Variants in BUB1B observed in about 807,000 individuals in gnomAD.
The protein encoded by BUB1B is BUB1 mitotic checkpoint serine/threonine kinase B.
BUB1B carries 86 observed loss-of-function variants against 137.7 expected under a neutral mutation model. The observed-to-expected ratio is 0.62, with a 90% CI of 0.52 to 0.75. The LOEUF (loss-of-function observed/expected upper bound fraction) is 0.75. BUB1B is among the 30% of genes least tolerant of loss of function. The pLI is 0.00. For missense variants in BUB1B, 1,130 were observed against 1,236.9 expected, an observed-to-expected ratio of 0.91 and a Z score of 1.30; for synonymous variants, 420 against 417.9, an observed-to-expected ratio of 1.00 and a Z score of -0.06.
At position 40,220,597 on chromosome 15, in the gene BUB1B, T is replaced by C; in HGVS notation, c.2991T>C (p.Phe997=). The C allele has an allele frequency of 6.2e-7, 1 of 1,614,236 alleles. No individual in the cohort carries two copies. The highest frequency in any genetic ancestry group is 8.5e-7 in the Non-Finnish European group (1 of 1,180,034). The part of the protein sequence containing the change: ...LKDGELWNKF[F]VRILNANDEA... Reference sequence around the variant, plus strand: ...ATGGTGAATTGTGGAATAAATTCTTTGTGCGGATTCTGAATGCCAATGATG... The same window carrying C: ...ATGGTGAATTGTGGAATAAATTCTTCGTGCGGATTCTGAATGCCAATGATG... The change falls in exon 23 of 23, where the codon TTT becomes TTC. Residue 997 remains phenylalanine, a synonymous_variant. Transcript: ENST00000287598.
intron 3 of BUB1B, 94 bp downstream of exon 3, chr15:40,170,215 A>G: frequency 8.4e-7 from 1 of 1,185,302 alleles, no homozygotes; most frequent in South Asian, 1.2e-5. Flanking sequence ...AGTGTGTGTC[A>G]GAGTAGACAG....
rs960840123 is a variant in BUB1B, at chr15:40,165,137, G to T, written c.120G>T (p.Thr40=). 2 of 1,614,038 alleles carry T rather than the reference G, an allele frequency of 1.2e-6. No individual in the cohort carries two copies. The highest frequency in any genetic ancestry group is 3.3e-5 in the Admixed American group (2 of 59,994). Reference sequence around the variant, plus strand: ...TAAGGCAAGGGCGGATCATGTCCACGCTTCAGGGAGCACTGGCACAAGAAT... The same window carrying T: ...TAAGGCAAGGGCGGATCATGTCCACTCTTCAGGGAGCACTGGCACAAGAAT... ...QPLRQGRIMS[T]LQGALAQESA... The change falls in exon 2 of 23, where the codon ACG becomes ACT. Residue 40 remains threonine (T), a synonymous_variant. Coordinates refer to ENST00000287598, the MANE Select transcript of BUB1B (RefSeq NM_001211.6).
intron 2 of BUB1B, 43 bp from the exon 3 acceptor site, chr15:40,170,019 T>C: frequency 2.1e-6 from 3 of 1,462,642 alleles, no homozygotes; most frequent in Non-Finnish European, 2.9e-6. Context: ...TCATTGGCTG[T>C]TGTCACTATT....
intron 21 of BUB1B, 93 bp downstream of exon 21, chr15:40,217,760 C>G: frequency 1.4e-6 from 2 of 1,428,438 alleles, no homozygotes; most frequent in Non-Finnish European, 2.0e-6. Flanking sequence ...TTACTGATAC[C>G]GACTCCTAGA....
intron 9 of BUB1B, among the ~76,000 whole-genome samples, chr15:40,199,394 T>A (rs1433794210): frequency 6.6e-6 from 1 of 152,250 alleles, no homozygotes; most frequent in Non-Finnish European, 1.5e-5. Flanking sequence ...TCAATGTTTT[T>A]TTCCTTTTAG....
At position 40,167,508 on chromosome 15, in the gene BUB1B, A is replaced by G. The variant is rs71403569; in HGVS notation, c.179+2312A>G. 2.4e-3 allele frequency among the ~76,000 whole-genome samples: 360 copies of G among 151,854 alleles called. 5 individuals carry two copies. The highest frequency in any genetic ancestry group is 0.021 in the South Asian group (102 of 4,810). On this transcript the variant is annotated intron_variant, in intron 2 of 22. Transcript: ENST00000287598. ...CAGGCACGCACCACCACGCCTGGCT[A>G]ATTTTTTGTATTTTTAGTAGAGATG...
chr15:40,167,342 CTTTTTTTTTTTT>C (rs767161007), intron 2 of BUB1B, among the ~76,000 whole-genome samples: 1 of 77,098 alleles, frequency 1.3e-5, no homozygotes, highest in Non-Finnish European at 2.3e-5. Flanking sequence ...TTCATTTTAG[CTTTTTTTTTTTT>C]TTTTTTTTTT....
intron 2 of BUB1B, chr15:40,166,518 T>G: frequency 6.8e-6 from 2 of 292,176 alleles, no homozygotes; most frequent in South Asian, 5.5e-5. Context: ...TTTTTCTATT[T>G]TTTAGTAGAG....
At chr15:40,181,529 TTCTC>T (rs944929962) in intron 5 of BUB1B, among the ~76,000 whole-genome samples, 3 of 152,200 alleles carry the variant, frequency 2.0e-5, no homozygotes, top group Non-Finnish European at 4.4e-5. Flanking sequence ...TCTTTCTTCT[TTCTC>T]TCTCTGAGAC....
At chr15:40,220,328 A>G (rs944986199) in intron 22 of BUB1B, among the ~76,000 whole-genome samples, 21 of 152,164 alleles carry the variant, frequency 1.4e-4, no homozygotes, top group African/African-American at 5.1e-4. Context: ...ATAGATTTAG[A>G]TGAGAGATCT....
In BUB1B at chr15:40,212,658, A is replaced by C. The variant is rs1197837468; in HGVS notation, c.2535+10A>C. On this transcript the variant is annotated intron_variant, in intron 19 of 22. Transcript: ENST00000287598. ...CTGCTTCACCCTTCAGGTCTGTAAT[A>C]CTAAAAACATAATTTAAAGTCCTGA... 2 of 1,611,008 alleles carry C rather than the reference A, an allele frequency of 1.2e-6. No individual in the cohort carries two copies. Among genetic ancestry groups the C allele is most frequent in the Non-Finnish European group, 8.5e-7 (1 of 1,178,390 alleles).
Position 40,183,721 on chromosome 15 carries a change from C to CAAGCTCG in BUB1B, c.591_597dup (p.Val200SerfsTer12). Reference sequence around the variant, plus strand: ...TGCATTCTGCTACTTTAGACAATTCCAAGCTCGAGTGTCTCGGCAAACTCT... The same window carrying CAAGCTCG: ...TGCATTCTGCTACTTTAGACAATTCCAAGCTCGAAGCTCGAGTGTCTCGGCAAACTCT... On this transcript the variant is annotated frameshift_variant, in exon 6 of 23. Transcript: ENST00000287598. LOFTEE classifies it high-confidence loss of function. 6.2e-7 allele frequency: 1 copy of CAAGCTCG among 1,614,020 alleles called. No individual in the cohort carries two copies. The highest frequency in any genetic ancestry group is 8.5e-7 in the Non-Finnish European group (1 of 1,179,960).
rs1274215355 is a variant in BUB1B at position 40,220,793 on chromosome 15, A to G, written c.*34A>G. The G allele has an allele frequency of 2.5e-6, 4 of 1,590,792 alleles. No individual in the cohort carries two copies. Among genetic ancestry groups the G allele is most frequent in the Non-Finnish European group, 2.6e-6 (3 of 1,158,870 alleles). On this transcript the variant is annotated 3_prime_UTR_variant, in exon 23 of 23. Coordinates refer to ENST00000287598, the MANE Select transcript of BUB1B (RefSeq NM_001211.6). ...ATCAAGTCTCACAGATTGCTGCCTC[A>G]GAGCAATGGTTGTATTGTGGAACAC...
intron 5 of BUB1B, among the ~76,000 whole-genome samples, chr15:40,179,164 T>C (rs570350449): frequency 4.6e-5 from 7 of 152,190 alleles, no homozygotes; most frequent in African/African-American, 1.2e-4. Flanking sequence ...TTTTTTTTTT[T>C]CCAGGGAGGG....
intron 1 of BUB1B, among the ~76,000 whole-genome samples, chr15:40,163,391 T>G (rs1045304699): frequency 6.6e-6 from 1 of 152,196 alleles, no homozygotes. Flanking sequence ...CTGGGCAACA[T>G]AGTAAGGCCT....
rs2037186628 is a variant in BUB1B, at chr15:40,173,295, T to TTA, written c.384+2614_384+2615insTA. ...CGAGACTCAGTCTCAGAAAAAAAGA[T>TTA]AAAAAAAAAAAAAAAAAAAAAAGAT... On this transcript the variant is annotated intron_variant, in intron 4 of 22. Coordinates refer to ENST00000287598, the MANE Select transcript of BUB1B (RefSeq NM_001211.6). 1.9e-4 allele frequency among the ~76,000 whole-genome samples: 16 copies of TTA among 85,890 alleles called. No homozygotes were observed. The South Asian group carries it at 6.8e-3, about 36-fold the overall frequency. 56.3% of individuals were successfully genotyped at this position (85,890 alleles called of 152,430 possible).
intron 14 of BUB1B, among the ~76,000 whole-genome samples, chr15:40,203,481 T>C (rs2037600226): frequency 6.6e-6 from 1 of 152,220 alleles, no homozygotes; most frequent in Admixed American, 6.5e-5. Flanking sequence ...TTGTACAACC[T>C]TGTGAATTTA....
Position 40,220,880 on chromosome 15 carries a change from T to C in BUB1B, c.*121T>C. On this transcript the variant is annotated 3_prime_UTR_variant, in exon 23 of 23. Coordinates refer to ENST00000287598, the MANE Select transcript of BUB1B (RefSeq NM_001211.6). ...TTTAGATGCACTACCATTGCTGTTC[T>C]ACTTTTTGGTACAGGTATATTTTGA... 2.9e-6 allele frequency: 3 copies of C among 1,032,942 alleles called. No homozygotes were observed. The highest frequency in any genetic ancestry group is 4.5e-6 in the Non-Finnish European group (3 of 672,110). 64.0% of individuals were successfully genotyped at this position (1,032,942 alleles called of 1,614,324 possible).
At chr15:40,211,595 G>A (rs565133675) in intron 18 of BUB1B, among the ~76,000 whole-genome samples, 20 of 152,202 alleles carry the variant, frequency 1.3e-4, no homozygotes, top group African/African-American at 4.6e-4. Context: ...AGAGCAGGGA[G>A]GTGCATCTTA....
Sources: allele counts gnomAD v4.1 joint callset (sites outside exome capture counted in the v4.1 genomes callset), GRCh38; gene constraint gnomAD v4.1.1; transcripts MANE v1.5; gene names NCBI Gene and HGNC (gene_info 2026-07-23, HGNC 2026-07-21).